TOX4: variants seen among roughly 807,000 people sequenced by gnomAD.
TOX4 encodes epidermal Langerhans cell protein LCP1.
TOX4 carries 12 observed loss-of-function variants against 61.0 expected under a neutral mutation model. The observed-to-expected ratio is 0.20, with a 90% CI of 0.13 to 0.32. The LOEUF is 0.32. TOX4 is among the 10% of genes least tolerant of loss of function. The pLI is 1.00. For missense variants in TOX4, 499 were observed against 753.3 expected, an observed-to-expected ratio of 0.66 and a Z score of 3.95; for synonymous variants, 268 against 274.8, an observed-to-expected ratio of 0.98 and a Z score of 0.24.
chr14:21,495,968 G>A (rs919073919), intron 8 of TOX4: 3 of 153,086 alleles, frequency 2.0e-5, no homozygotes, highest in African/African-American at 4.8e-5. Flanking sequence ...CCATAATGCT[G>A]TAGGAAATTA....
intron 1 of TOX4, 48 bp downstream of exon 1, chr14:21,477,332 G>A (rs1239057875): frequency 1.2e-6 from 2 of 1,613,938 alleles, no homozygotes; most frequent in African/African-American, 2.7e-5. Context: ...GCGGCCGACC[G>A]GGTTGAAGCA....
chr14:21,496,871 T>C lies in TOX4; in HGVS notation c.*265T>C, dbSNP rs1891414745. ...GAAGGGAGTCTGGGCAAGCAAAGCA[T>C]AGAGATGGTGGGGTGGTGGTGGGGT... On this transcript the variant is annotated 3_prime_UTR_variant, in exon 9 of 9. Coordinates refer to ENST00000448790, the MANE Select transcript of TOX4 (RefSeq NM_014828.4). The C allele has an allele frequency of 2.6e-6, 1 of 384,940 alleles. No individual in the cohort carries two copies. Among genetic ancestry groups the C allele is most frequent in the Non-Finnish European group, 4.8e-6 (1 of 209,934 alleles). 23.8% of individuals were successfully genotyped at this position (384,940 alleles called of 1,614,324 possible).
chr14:21,493,118 T>G lies in TOX4; in HGVS notation c.1502T>G (p.Leu501Trp), dbSNP rs1329713698. Residue 501 changes from leucine (L) to tryptophan (W), a missense_variant, in exon 7 of 9, where the codon TTG becomes TGG. Physicochemically the swap from Leu to Trp is moderately conservative, Grantham distance 61. Around this residue, in one of 7 missense-constraint regions of TOX4, gnomAD observed 296 missense variants for 404.7 expected, o/e 0.73. Transcript: ENST00000448790. ...ATCAAGAGTGTGCCTCTACCCACTT[T>G]GAAAATGCAGACTACCTTAGTCCCA... Reference protein sequence around the residue: ...LQIKSVPLPTLKMQTTLVPPT... With the variant: ...LQIKSVPLPTWKMQTTLVPPT... 1.2e-6 allele frequency: 2 copies of G among 1,613,606 alleles called. No individual in the cohort carries two copies. Among genetic ancestry groups the G allele is most frequent in the East Asian group, 4.5e-5 (2 of 44,836 alleles).
At chr14:21,495,091 C>A in intron 7 of TOX4, 138 bp from the exon 8 acceptor site, 1 of 884,508 alleles carries the variant, frequency 1.1e-6, no homozygotes, top group South Asian at 1.6e-5. Context: ...AAGAACTCAC[C>A]TTCTTCTGCA....
Position 21,492,677 on chromosome 14 carries a change from A to C in TOX4, c.1061A>C (p.Gln354Pro). 6.2e-7 allele frequency: 1 copy of C among 1,614,072 alleles called. No individual in the cohort carries two copies. The highest frequency in any genetic ancestry group is 1.3e-5 in the African/African-American group (1 of 75,034). The change falls in exon 7 of 9, where the codon CAG becomes CCG. Residue 354 changes from glutamine (Q) to proline (P), a missense_variant. Around this residue, in one of 7 missense-constraint regions of TOX4, gnomAD observed 296 missense variants for 404.7 expected, o/e 0.73. Coordinates refer to ENST00000448790, the MANE Select transcript of TOX4 (RefSeq NM_014828.4). Reference sequence around the variant, plus strand: ...ACCCTTTCATCCTATGTGGCAAACCAGGCATCTTCTGGAGCTGGGGGTCAG... The same window carrying C: ...ACCCTTTCATCCTATGTGGCAAACCCGGCATCTTCTGGAGCTGGGGGTCAG... ...NSTLSSYVAN[Q>P]ASSGAGGQPN...
chr14:21,486,854 A>G (rs182679602), intron 2 of TOX4, among the ~76,000 whole-genome samples: 2 of 152,352 alleles, frequency 1.3e-5, no homozygotes, highest in East Asian at 1.9e-4. Flanking sequence ...TGAAAATCCT[A>G]TACTAATGGG....
Position 21,498,791 on chromosome 14 carries a change from G to A in TOX4, c.*2185G>A, listed in dbSNP as rs146415298. On this transcript the variant is annotated 3_prime_UTR_variant, in exon 9 of 9. Transcript: ENST00000448790. ...AATGGCTGAGGAAGATCCTTGGGTT[G>A]TGAAGAGAGTAGAAACCCTAGGGAG... 4 of 521,380 alleles carry A rather than the reference G, an allele frequency of 7.7e-6. No homozygotes were observed. Among genetic ancestry groups the A allele is most frequent in the Non-Finnish European group, 1.4e-5 (4 of 292,436 alleles). 32.3% of individuals were successfully genotyped at this position (521,380 alleles called of 1,614,324 possible).
chr14:21,482,053 A>G (rs1354155831), intron 2 of TOX4, among the ~76,000 whole-genome samples: 2 of 152,252 alleles, frequency 1.3e-5, no homozygotes, highest in African/African-American at 4.8e-5. Context: ...TTGTATATCA[A>G]TGAAATAAGA....
intron 3 of TOX4, chr14:21,487,902 T>G: frequency 1.5e-4 from 66 of 446,420 alleles, no homozygotes; most frequent in East Asian, 2.5e-4. Context: ...AATTGTACAA[T>G]GTCTGGTTTG....
rs771474615 is a variant in TOX4, at chr14:21,477,304, G to C, written c.6+20G>C. 1.2e-6 allele frequency: 2 copies of C among 1,613,912 alleles called. No individual in the cohort carries two copies. The highest frequency in any genetic ancestry group is 2.7e-5 in the African/African-American group (2 of 74,918). ...ATGGAGGTAGGAACCTGATAGCTAA[G>C]AAGGCTGGCGAGAGAACGCGGCCGA... On this transcript the variant is annotated intron_variant, in intron 1 of 8. Coordinates refer to ENST00000448790, the MANE Select transcript of TOX4 (RefSeq NM_014828.4).
chr14:21,482,984 C>T (rs1891132839), intron 2 of TOX4, among the ~76,000 whole-genome samples: 1 of 152,252 alleles, frequency 6.6e-6, no homozygotes, highest in East Asian at 1.9e-4. Context: ...AAAGCTTTTA[C>T]ACATCCCAAG....
intron 5 of TOX4, among the ~76,000 whole-genome samples, chr14:21,491,604 C>G (rs982778510): frequency 2.0e-5 from 3 of 151,194 alleles, no homozygotes; most frequent in Non-Finnish European, 4.4e-5. Context: ...ACCTCGTGAT[C>G]TGGCCACCTT....
Position 21,477,258 on chromosome 14 carries a change from G to C in TOX4, c.-21G>C. ...GGTGGGAGCGATGAGGGTCTGAGAC[G>C]GTGGGAGCGGTTGTGTGAAGATGGA... On this transcript the variant is annotated 5_prime_UTR_variant, in exon 1 of 9. Coordinates refer to ENST00000448790, the MANE Select transcript of TOX4 (RefSeq NM_014828.4). 6.2e-7 allele frequency: 1 copy of C among 1,614,056 alleles called. No homozygotes were observed. The highest frequency in any genetic ancestry group is 8.5e-7 in the Non-Finnish European group (1 of 1,179,998).
In TOX4 at chr14:21,488,624, C is replaced by T. The variant is rs759800130; in HGVS notation, c.353C>T (p.Ala118Val). The T allele has an allele frequency of 6.2e-7, 1 of 1,614,106 alleles. No individual in the cohort carries two copies. Among genetic ancestry groups the T allele is most frequent in the South Asian group, 1.1e-5 (1 of 91,084 alleles). ...LDHSIGTQYS[A>V]NPPVTIDVPM... ...CACTCTATAGGAACTCAGTATAGTG[C>T]CAACCCACCTGTTACAATTGATGTA... Residue 118 changes from alanine to valine, a missense_variant, in exon 4 of 9, where the codon GCC becomes GTC. Physicochemically the swap from Ala to Val is moderately conservative, Grantham distance 64. This residue lies in a region of TOX4 where 90 missense variants were observed against 109.5 expected (regional missense o/e 0.82). Coordinates refer to ENST00000448790, the MANE Select transcript of TOX4 (RefSeq NM_014828.4).
chr14:21,488,896 A>G (rs1416799795), intron 4 of TOX4, 46 bp downstream of exon 4: 14 of 1,602,322 alleles, frequency 8.7e-6, no homozygotes, highest in Non-Finnish European at 1.2e-5. Context: ...ATAGTCTGGG[A>G]TAAAATTTTT....
In TOX4 at chr14:21,495,356, A is replaced by C; in HGVS notation, c.1769A>C (p.Glu590Ala). 6.2e-7 allele frequency: 1 copy of C among 1,614,116 alleles called. No homozygotes were observed. Residue 590 changes from glutamate to alanine, a missense_variant, in exon 8 of 9, where the codon GAA (glutamate) becomes GCA (alanine). Glu to Ala is a moderately radical substitution (Grantham distance 107, BLOSUM62 -1). Transcript: ENST00000448790. ...PPIVSKDWDN[E>A]YCSNECVVKH... Reference sequence around the variant, plus strand: ...ATTGTGAGTAAGGACTGGGACAATGAATACTGCAGCAATGAGTGTGTGGTG... The same window carrying C: ...ATTGTGAGTAAGGACTGGGACAATGCATACTGCAGCAATGAGTGTGTGGTG...
At chr14:21,484,220 T>C (rs1279874769) in intron 2 of TOX4, among the ~76,000 whole-genome samples, 1 of 152,088 alleles carries the variant, frequency 6.6e-6, no homozygotes, top group Non-Finnish European at 1.5e-5. Context: ...CATATATCTT[T>C]TTGTCTTTTA....
In TOX4 at chr14:21,498,276, A is replaced by G. The variant is rs1891457792; in HGVS notation, c.*1670A>G. ...AGTGCTTCTATAAATTCTTAGGTTT[A>G]GAGATGATACCATCTGGGTACCTTT... On this transcript the variant is annotated 3_prime_UTR_variant, in exon 9 of 9. Transcript: ENST00000448790. 1.9e-6 allele frequency: 3 copies of G among 1,600,362 alleles called. No homozygotes were observed. The highest frequency in any genetic ancestry group is 1.3e-5 in the African/African-American group (1 of 74,784).
Position 21,497,914 on chromosome 14 carries a change from C to CT in TOX4, c.*1309dup, listed in dbSNP as rs1891445813. On this transcript the variant is annotated 3_prime_UTR_variant, in exon 9 of 9. Coordinates refer to ENST00000448790, the MANE Select transcript of TOX4 (RefSeq NM_014828.4). ...CCCAGTCTAGTCTTGAACTCCTGGG[C>CT]TACAGTTACCCTCCTACCTCGGCTT... is the stretch of plus-strand genomic sequence containing the variant. The CT allele has an allele frequency of 4.8e-6, 1 of 207,656 alleles. No individual in the cohort carries two copies. The highest frequency in any genetic ancestry group is 5.7e-5 in the Admixed American group (1 of 17,592). The allele number at this position is 207,656 out of a possible 1,614,324, so 12.9% of individuals were successfully genotyped here.
Sources: allele counts gnomAD v4.1 joint callset (sites outside exome capture counted in the v4.1 genomes callset), GRCh38; gene constraint gnomAD v4.1.1; regional missense constraint gnomAD v4.1.1; transcripts MANE v1.5; gene names NCBI Gene and HGNC (gene_info 2026-07-23, HGNC 2026-07-21).